Variants in SGCZ observed in about 807,000 individuals in gnomAD.
SGCZ encodes the protein zeta-sarcoglycan.
A neutral mutation model predicts 41.3 loss-of-function variants in SGCZ; 40 were observed. The observed-to-expected ratio is 0.97, with a 90% CI of 0.75 to 1.26. The LOEUF is 1.26. Among genes scored for constraint, SGCZ ranks in the 50% most tolerant of loss-of-function variants. SGCZ has a pLI of 0.00. For missense variants in SGCZ, 552 were observed against 369.8 expected (o/e 1.49, Z -4.04); for synonymous variants, 206 against 137.5 (o/e 1.50, Z -3.49).
intron 1 of SGCZ, among the ~76,000 whole-genome samples, chr8:15,013,602 G>A (rs977755649): frequency 6.6e-5 from 10 of 152,038 alleles, no homozygotes; most frequent in African/African-American, 2.2e-4. Flanking sequence ...ATGGTGTTGT[G>A]GAAAGAACCC....
At chr8:14,240,896 G>A (rs777606055) in intron 3 of SGCZ, among the ~76,000 whole-genome samples, 14 of 152,206 alleles carry the variant, frequency 9.2e-5, no homozygotes, top group African/African-American at 1.7e-4. Context: ...ATAAAAATAC[G>A]TATAATGATG....
intron 1 of SGCZ, among the ~76,000 whole-genome samples, chr8:14,840,127 A>G (rs1802848071): frequency 1.3e-5 from 2 of 152,098 alleles, no homozygotes; most frequent in African/African-American, 4.8e-5. Flanking sequence ...AATGTTCAAT[A>G]AAATATTGTT....
chr8:14,274,643 G>A (rs762341133), intron 3 of SGCZ, among the ~76,000 whole-genome samples: 3 of 152,044 alleles, frequency 2.0e-5, no homozygotes, highest in East Asian at 3.9e-4. Flanking sequence ...GGTAAGTGAC[G>A]TTCATTTGGA....
At chr8:15,117,288 G>A (rs546812534) in intron 1 of SGCZ, among the ~76,000 whole-genome samples, 2 of 151,608 alleles carry the variant, frequency 1.3e-5, no homozygotes, top group East Asian at 1.9e-4. Context: ...GAACCTGGGA[G>A]GGGGAGCTCG....
chr8:14,908,701 G>A (rs929093080), intron 1 of SGCZ, among the ~76,000 whole-genome samples: 4 of 133,090 alleles, frequency 3.0e-5, no homozygotes, highest in African/African-American at 1.1e-4. Flanking sequence ...AGTGAGCCGA[G>A]ATCGGGCCAC....
chr8:14,361,362 C>A (rs763804764), intron 2 of SGCZ, among the ~76,000 whole-genome samples: 4 of 152,156 alleles, frequency 2.6e-5, no homozygotes, highest in Admixed American at 6.5e-5. Flanking sequence ...TCCCATATTT[C>A]TTGAAGGTTT....
intron 1 of SGCZ, among the ~76,000 whole-genome samples, chr8:15,071,696 A>G (rs1021179098): frequency 6.6e-6 from 1 of 152,206 alleles, no homozygotes; most frequent in African/African-American, 2.4e-5. Flanking sequence ...TTTGGGTACC[A>G]ACCTCAAAGT....
chr8:15,137,946 A>G (rs755890099), intron 1 of SGCZ, among the ~76,000 whole-genome samples: 4 of 152,090 alleles, frequency 2.6e-5, no homozygotes, highest in Non-Finnish European at 4.4e-5. Flanking sequence ...GACAGCTTGC[A>G]CTGTGTGCCT....
At chr8:14,831,438 G>A (rs1802522234) in intron 1 of SGCZ, among the ~76,000 whole-genome samples, 1 of 152,156 alleles carries the variant, frequency 6.6e-6, no homozygotes, top group Admixed American at 6.5e-5. Flanking sequence ...TCTCCTGGAT[G>A]CTCATAATTC....
intron 3 of SGCZ, among the ~76,000 whole-genome samples, chr8:14,299,318 G>A (rs1016398144): frequency 2.6e-5 from 4 of 151,816 alleles, no homozygotes; most frequent in African/African-American, 9.7e-5. Flanking sequence ...ACATGAAATT[G>A]GACTTTATTA....
At chr8:14,233,720 T>A (rs1363267875) in intron 4 of SGCZ, among the ~76,000 whole-genome samples, 1 of 151,130 alleles carries the variant, frequency 6.6e-6, no homozygotes, top group Non-Finnish European at 1.5e-5. Flanking sequence ...TATCATCATG[T>A]TATCAACATA....
intron 1 of SGCZ, among the ~76,000 whole-genome samples, chr8:14,919,954 T>G (rs997951043): frequency 6.6e-6 from 1 of 152,162 alleles, no homozygotes; most frequent in Non-Finnish European, 1.5e-5. Flanking sequence ...AGAAAACTAT[T>G]AGCAATAATT....
intron 2 of SGCZ, among the ~76,000 whole-genome samples, chr8:14,372,458 A>C (rs1803949641): frequency 6.6e-6 from 1 of 152,160 alleles, no homozygotes; most frequent in South Asian, 2.1e-4. Context: ...CTGTGGCTTC[A>C]CAGAACTTAC....
chr8:14,392,740 G>A lies in SGCZ; in HGVS notation c.235-68536C>T, dbSNP rs1179875299. ...AGCAAATTATAATAAAACTATATGT[G>A]ATTTAATAATATGCATATTTATCAT... On this transcript the variant is annotated intron_variant, in intron 2 of 7. Coordinates refer to ENST00000382080, the MANE Select transcript of SGCZ (RefSeq NM_139167.4). Among the ~76,000 whole-genome samples the A allele has an allele frequency of 4.6e-5, 7 of 152,178 alleles. No homozygotes were observed. In the East Asian group the frequency reaches 1.4e-3, roughly 29 times the overall value.
chr8:14,547,339 C>T (rs1490720500), intron 2 of SGCZ, among the ~76,000 whole-genome samples: 3 of 152,126 alleles, frequency 2.0e-5, no homozygotes, highest in Non-Finnish European at 4.4e-5. Context: ...TGACAGGTGA[C>T]ACAGGTTTTC....
chr8:14,218,706 C>T (rs1302131694), intron 4 of SGCZ, among the ~76,000 whole-genome samples: 1 of 152,162 alleles, frequency 6.6e-6, no homozygotes, highest in Non-Finnish European at 1.5e-5. Flanking sequence ...TGTTAGAGAG[C>T]AAACTCCGGC....
chr8:14,330,530 G>C (rs1283862628), intron 2 of SGCZ, among the ~76,000 whole-genome samples: 1 of 151,850 alleles, frequency 6.6e-6, no homozygotes, highest in African/African-American at 2.4e-5. Flanking sequence ...TCTCTTTGTT[G>C]ACATTCAAAC....
intron 2 of SGCZ, among the ~76,000 whole-genome samples, chr8:14,470,853 G>T (rs77745730): frequency 6.6e-6 from 1 of 152,086 alleles, no homozygotes; most frequent in African/African-American, 2.4e-5. Flanking sequence ...AAAATAGGCA[G>T]TTCTTTGTGT....
intron 1 of SGCZ, among the ~76,000 whole-genome samples, chr8:14,572,003 T>C (rs1270910036): frequency 6.6e-6 from 1 of 152,194 alleles, no homozygotes; most frequent in African/African-American, 2.4e-5. Flanking sequence ...TTTAAAATAC[T>C]TAAAAATTTG....
Sources: allele counts gnomAD v4.1 joint callset (sites outside exome capture counted in the v4.1 genomes callset), GRCh38; gene constraint gnomAD v4.1.1; transcripts MANE v1.5; gene names NCBI Gene and HGNC (gene_info 2026-07-23, HGNC 2026-07-21).